The following ATG4B variants were observed in gnomAD, a reference collection of about 807,000 sequenced individuals.
ATG4B encodes the protein autophagy related 4B cysteine peptidase.
A neutral mutation model predicts 56.6 loss-of-function variants in ATG4B; 29 were observed. The ratio of observed to expected loss-of-function variants is 0.51; its 90% confidence interval spans 0.38 to 0.70. ATG4B has a LOEUF of 0.70. ATG4B is among the 30% of genes least tolerant of loss of function. ATG4B has a pLI of 0.00. For missense variants in ATG4B, 461 were observed against 515.5 expected (o/e 0.89, Z 1.02); for synonymous variants, 224 against 206.1 (o/e 1.09, Z -0.74).
chr2:241,661,602 TAGG>T (rs1177076634), intron 7 of ATG4B, among the ~76,000 whole-genome samples: 3 of 152,334 alleles, frequency 2.0e-5, no homozygotes, highest in East Asian at 1.9e-4. Flanking sequence ...AGCAGTTAGA[TAGG>T]AGAAGACTGA....
At chr2:241,663,200 T>A (rs2068645089) in intron 7 of ATG4B, among the ~76,000 whole-genome samples, 2 of 152,096 alleles carry the variant, frequency 1.3e-5, no homozygotes, top group African/African-American at 4.8e-5. Context: ...GCCACTGCAC[T>A]CCAGCCTGTG....
intron 1 of ATG4B, among the ~76,000 whole-genome samples, chr2:241,639,581 C>T (rs952551443): frequency 2.6e-5 from 4 of 152,168 alleles, no homozygotes; most frequent in African/African-American, 7.2e-5. Context: ...TTAACACTGA[C>T]AATCGAAGGG....
chr2:241,657,875 G>A (rs1275396899), intron 6 of ATG4B, among the ~76,000 whole-genome samples: 2 of 152,296 alleles, frequency 1.3e-5, no homozygotes, highest in East Asian at 1.9e-4. Context: ...CTCAGGCGGG[G>A]CTCTACCCGA....
chr2:241,655,208 G>C (rs1041896966), intron 5 of ATG4B, 63 bp from the exon 6 acceptor site: 1 of 1,525,178 alleles, frequency 6.6e-7, no homozygotes, highest in Non-Finnish European at 8.9e-7. Flanking sequence ...CTGGCACCAC[G>C]TGCCACCAGA....
At chr2:241,669,952 CAG>C (rs370786399) in intron 10 of ATG4B, among the ~76,000 whole-genome samples, 4 of 152,098 alleles carry the variant, frequency 2.6e-5, no homozygotes, top group Non-Finnish European at 4.4e-5. Flanking sequence ...CCACCGCAGA[CAG>C]AGGAGTGGAC....
chr2:241,655,050 C>G, intron 5 of ATG4B: 1 of 594,048 alleles, frequency 1.7e-6, no homozygotes, highest in Non-Finnish European at 3.0e-6. Flanking sequence ...GAAGTGGTCC[C>G]TTCATTTCCC....
intron 7 of ATG4B, among the ~76,000 whole-genome samples, chr2:241,665,283 T>A (rs1285744906): frequency 1.3e-5 from 2 of 152,180 alleles, no homozygotes; most frequent in Non-Finnish European, 2.9e-5. Context: ...GCAAGCCTCC[T>A]ACGAATGAGA....
intron 1 of ATG4B, chr2:241,638,271 A>AT (rs1163496320): frequency 6.6e-6 from 1 of 152,188 alleles, no homozygotes; most frequent in Non-Finnish European, 1.5e-5. Context: ...TAACCAGTAG[A>AT]TTCTCCAAGC....
intron 1 of ATG4B, among the ~76,000 whole-genome samples, 190 bp from the exon 2 acceptor site, chr2:241,650,820 C>A (rs1157757324): frequency 6.6e-6 from 1 of 152,000 alleles, no homozygotes; most frequent in Non-Finnish European, 1.5e-5. Context: ...GCAGGGCCTC[C>A]TTCTCTTTCC....
chr2:241,660,949 C>T (rs187236793), intron 7 of ATG4B, among the ~76,000 whole-genome samples: 7 of 152,272 alleles, frequency 4.6e-5, no homozygotes, highest in East Asian at 1.9e-4. Context: ...GCGCAAGGGT[C>T]AGGGCTTCCT....
chr2:241,641,423 G>A (rs184174575), intron 1 of ATG4B, among the ~76,000 whole-genome samples: 18 of 152,096 alleles, frequency 1.2e-4, no homozygotes, highest in East Asian at 7.7e-4. Context: ...AGTGGCGGGC[G>A]CCTGTGATCC....
At chr2:241,643,605 T>C (rs920341878) in intron 1 of ATG4B, among the ~76,000 whole-genome samples, 15 of 147,876 alleles carry the variant, frequency 1.0e-4, no homozygotes, top group Admixed American at 2.7e-4. Flanking sequence ...TATATAAACA[T>C]ATATATACGT....
intron 1 of ATG4B, among the ~76,000 whole-genome samples, chr2:241,641,085 C>T (rs1208984038): frequency 6.6e-6 from 1 of 152,148 alleles, no homozygotes; most frequent in African/African-American, 2.4e-5. Context: ...GTTGAACAAG[C>T]CAGCAAGGAG....
At chr2:241,658,849 A>G (rs1184527170) in intron 6 of ATG4B, among the ~76,000 whole-genome samples, 3 of 152,142 alleles carry the variant, frequency 2.0e-5, no homozygotes, top group Non-Finnish European at 4.4e-5. Context: ...AGGCCACTCA[A>G]AAGCCTCTTG....
At chr2:241,661,260 C>T (rs1279719872) in intron 7 of ATG4B, among the ~76,000 whole-genome samples, 1 of 152,194 alleles carries the variant, frequency 6.6e-6, no homozygotes, top group African/African-American at 2.4e-5. Context: ...GTGGAAGGTG[C>T]CTGATGCCCC....
intron 7 of ATG4B, among the ~76,000 whole-genome samples, chr2:241,663,966 C>T (rs547976530): frequency 7.9e-5 from 12 of 152,072 alleles, no homozygotes; most frequent in South Asian, 4.2e-4. Context: ...CATGCCACCA[C>T]GCCTGGCTAA....
intron 3 of ATG4B, chr2:241,652,046 C>T: frequency 2.6e-6 from 3 of 1,139,006 alleles, no homozygotes; most frequent in South Asian, 1.3e-5. Context: ...GGGGTGGTTT[C>T]ATTCTTTATC....
intron 8 of ATG4B, 49 bp downstream of exon 8, chr2:241,666,887 C>T: frequency 6.6e-7 from 1 of 1,520,390 alleles, no homozygotes; most frequent in Non-Finnish European, 8.8e-7. Context: ...CCCCTTCTCC[C>T]AGTTCTTAGT....
At chr2:241,666,940 GCT>G in intron 8 of ATG4B, 102 bp downstream of exon 8, 1 of 1,357,448 alleles carries the variant, frequency 7.4e-7, no homozygotes, top group East Asian at 2.5e-5. Context: ...TGTGCAGCCG[GCT>G]CTCGGGGGAG....
Sources: gnomAD v4.1 joint callset for allele counts (sites outside exome capture counted in the v4.1 genomes callset) on GRCh38, gnomAD v4.1.1 for gene constraint, MANE v1.5 for transcripts, NCBI Gene and HGNC (gene_info 2026-07-23, HGNC 2026-07-21) for gene names.